Variants in PELI2 observed in about 807,000 individuals in gnomAD.
The protein encoded by PELI2 is pellino E3 ubiquitin protein ligase family member 2, also known as E3 ubiquitin-protein ligase pellino homolog 2.
PELI2 carries 23 observed loss-of-function variants against 42.3 expected under a neutral mutation model. The observed-to-expected ratio is 0.54, with a 90% CI of 0.39 to 0.77. PELI2 has a LOEUF of 0.77. PELI2 is among the 30% of genes least tolerant of loss of function. The pLI, the probability that PELI2 is intolerant of heterozygous loss-of-function variation, is 0.00. For missense variants in PELI2, 463 were observed against 553.2 expected (o/e 0.84, Z 1.64); for synonymous variants, 245 against 212.2 (o/e 1.15, Z -1.34).
chr14:56,138,270 AT>A (rs1245600246), intron 1 of PELI2, among the ~76,000 whole-genome samples: 2 of 152,106 alleles, frequency 1.3e-5, no homozygotes, highest in Admixed American at 1.3e-4. Context: ...AAAATTGTAC[AT>A]GTATTTGGCA....
intron 2 of PELI2, among the ~76,000 whole-genome samples, chr14:56,268,828 A>G (rs1271677173): frequency 1.3e-5 from 2 of 152,202 alleles, no homozygotes; most frequent in African/African-American, 4.8e-5. Flanking sequence ...GCATTGCCTC[A>G]CACTGTGGTA....
intron 1 of PELI2, among the ~76,000 whole-genome samples, chr14:56,128,640 G>T (rs967844105): frequency 5.9e-5 from 9 of 152,082 alleles, no homozygotes; most frequent in African/African-American, 2.2e-4. Flanking sequence ...TGGCGATTTT[G>T]GAACCTTGAG....
chr14:56,225,042 C>A (rs1594656943), intron 2 of PELI2, among the ~76,000 whole-genome samples: 1 of 152,154 alleles, frequency 6.6e-6, no homozygotes, highest in African/African-American at 2.4e-5. Context: ...CAGTGGATGT[C>A]CCCATAGCCT....
At chr14:56,131,922 C>A (rs1370555529) in intron 1 of PELI2, among the ~76,000 whole-genome samples, 1 of 152,130 alleles carries the variant, frequency 6.6e-6, no homozygotes, top group African/African-American at 2.4e-5. Context: ...TTTAATCGTG[C>A]CGAGTTCAGG....
rs115809682 is a variant in PELI2, at chr14:56,247,299, A to G, written c.208-32377A>G. ...TGTATATTCTTCCGATTATTATTTC[A>G]GTCAACTGTAGTTTTTCTTTTTGTT... On this transcript the variant is annotated intron_variant, in intron 2 of 5. Coordinates refer to ENST00000267460, the MANE Select transcript of PELI2 (RefSeq NM_021255.3). Among the ~76,000 whole-genome samples the G allele has an allele frequency of 8.3e-3, 1,264 of 152,312 alleles. 19 individuals are homozygous for G. The highest frequency in any genetic ancestry group is 0.029 in the African/African-American group (1,210 of 41,556).
At chr14:56,221,129 G>A (rs1409866311) in intron 2 of PELI2, among the ~76,000 whole-genome samples, 1 of 152,184 alleles carries the variant, frequency 6.6e-6, no homozygotes, top group Non-Finnish European at 1.5e-5. Context: ...CTGCACCAGA[G>A]GCTGTAATAC....
At position 56,292,852 on chromosome 14, in the gene PELI2, G is replaced by A. The variant is rs532836503; in HGVS notation, c.696+2396G>A. 5 of 939,512 alleles carry A rather than the reference G, an allele frequency of 5.3e-6. No individual in the cohort carries two copies. The Admixed American group carries it at 2.5e-4, about 46-fold the overall frequency. The allele number at this position is 939,512 out of a possible 1,614,324, so 58.2% of individuals were successfully genotyped here. On this transcript the variant is annotated intron_variant, in intron 5 of 5. Transcript: ENST00000267460. ...GAATTGTGCCCTCCTTTTTTAGCTA[G>A]TTAATGATAACATATGGTAACATTT... is the stretch of plus-strand genomic sequence containing the variant.
chr14:56,246,568 A>G (rs1888169392), intron 2 of PELI2, among the ~76,000 whole-genome samples: 1 of 152,134 alleles, frequency 6.6e-6, no homozygotes, highest in Admixed American at 6.5e-5. Context: ...TATTGATTAG[A>G]GTGATTTTTT....
At chr14:56,187,505 A>G (rs1185691290) in intron 2 of PELI2, among the ~76,000 whole-genome samples, 1 of 152,202 alleles carries the variant, frequency 6.6e-6, no homozygotes, top group Admixed American at 6.5e-5. Flanking sequence ...ATATATCAGG[A>G]TAAGTTCTGT....
rs968658133 is a variant in PELI2, at chr14:56,297,489, A to T, written c.*323A>T. On this transcript the variant is annotated 3_prime_UTR_variant, in exon 6 of 6. Coordinates refer to ENST00000267460, the MANE Select transcript of PELI2 (RefSeq NM_021255.3). ...TTTTTTTTTTTTGTAATCTTGGACA[A>T]GACTTTAAATCATATTTTACAGATG... The T allele has an allele frequency of 6.2e-5, 16 of 258,324 alleles. No individual in the cohort carries two copies. The highest frequency in any genetic ancestry group is 3.0e-5 in the Non-Finnish European group (4 of 135,032). The allele number at this position is 258,324 out of a possible 1,614,324, so 16.0% of individuals were successfully genotyped here. A position where few individuals can be genotyped will look rare whatever the true frequency, so the allele number is the denominator to read the frequency against.
chr14:56,251,305 G>T (rs763992225), intron 2 of PELI2, among the ~76,000 whole-genome samples: 13 of 152,364 alleles, frequency 8.5e-5, no homozygotes, highest in Middle Eastern at 3.4e-3. Context: ...CTCCTAGGAA[G>T]ATAGTAGCAT....
intron 1 of PELI2, among the ~76,000 whole-genome samples, chr14:56,124,626 A>C (rs900568239): frequency 6.6e-6 from 1 of 152,316 alleles, no homozygotes; most frequent in East Asian, 1.9e-4. Flanking sequence ...GCACTAAGGG[A>C]TACGCAGATG....
At chr14:56,255,800 G>A (rs1305113698) in intron 2 of PELI2, among the ~76,000 whole-genome samples, 2 of 152,046 alleles carry the variant, frequency 1.3e-5, no homozygotes, top group African/African-American at 4.8e-5. Flanking sequence ...ATCTTATTAT[G>A]CAAATGAATT....
At chr14:56,142,788 G>A (rs1008205555) in intron 1 of PELI2, among the ~76,000 whole-genome samples, 1 of 151,814 alleles carries the variant, frequency 6.6e-6, no homozygotes, top group East Asian at 1.9e-4. Context: ...AAAAACTACT[G>A]CCCTATTTTT....
intron 2 of PELI2, among the ~76,000 whole-genome samples, chr14:56,217,243 A>G (rs915783863): frequency 2.0e-5 from 3 of 152,192 alleles, no homozygotes; most frequent in Admixed American, 2.0e-4. Context: ...TTTTGCCCAG[A>G]TTCACGTAGC....
intron 1 of PELI2, among the ~76,000 whole-genome samples, chr14:56,165,698 A>G (rs1425098682): frequency 6.6e-6 from 1 of 152,106 alleles, no homozygotes; most frequent in East Asian, 1.9e-4. Context: ...GTCTCCAGTT[A>G]TTATTGTATT....
At chr14:56,125,594 C>G (rs1051341532) in intron 1 of PELI2, among the ~76,000 whole-genome samples, 35 of 152,082 alleles carry the variant, frequency 2.3e-4, no homozygotes, top group Admixed American at 1.6e-3. Context: ...GTGGGTTCTG[C>G]TCTTTCAATC....
intron 1 of PELI2, among the ~76,000 whole-genome samples, chr14:56,171,242 C>T (rs1471330543): frequency 1.3e-5 from 2 of 152,104 alleles, no homozygotes; most frequent in East Asian, 3.9e-4. Context: ...CATGACGGCT[C>T]CACCCTTGTA....
At chr14:56,201,293 T>G (rs970492898) in intron 2 of PELI2, among the ~76,000 whole-genome samples, 5 of 152,182 alleles carry the variant, frequency 3.3e-5, no homozygotes, top group South Asian at 4.1e-4. Context: ...GCAAAAGATA[T>G]AGATAAAGAT....
Sources: gnomAD v4.1 joint callset for allele counts (sites outside exome capture counted in the v4.1 genomes callset) on GRCh38, gnomAD v4.1.1 for gene constraint, MANE v1.5 for transcripts, NCBI Gene and HGNC (gene_info 2026-07-23, HGNC 2026-07-21) for gene names.